Variants in SANBR observed in about 807,000 individuals in gnomAD.
SANBR encodes the protein SANT and BTB domain regulator of CSR.
Under a neutral mutation model 101.8 loss-of-function variants are expected in SANBR, and 77 were observed. The ratio of observed to expected loss-of-function variants is 0.76; its 90% CI spans 0.63 to 0.91. The LOEUF is 0.91. Among genes scored for constraint, SANBR ranks in the 40% least tolerant of loss-of-function variants. The probability of loss-of-function intolerance (pLI) is 0.00; values close to 1 mark genes in which losing one functional copy is unlikely to be tolerated. For synonymous variants in SANBR, 279 were observed against 274.7 expected, an observed-to-expected ratio of 1.02 and a Z score of -0.15; for missense variants, 875 against 853.0, an observed-to-expected ratio of 1.03 and a Z score of -0.32.
rs77970513 is a variant in SANBR, at chr2:61,074,109, T to G, written c.431+558T>G. On this transcript the variant is annotated intron_variant, in intron 5 of 21. Transcript: ENST00000402291. ...AAATCAAGACACAGAATATTTTTAT[T>G]ATTTCTGAAAGTTCCTTTGTATACT... Among the ~76,000 whole-genome samples, 452 of 152,310 alleles carry G rather than the reference T, an allele frequency of 3.0e-3. 2 individuals carry two copies. Among genetic ancestry groups the G allele is most frequent in the African/African-American group, 9.3e-3 (386 of 41,572 alleles).
At position 61,070,501 on chromosome 2, in the gene SANBR, G is replaced by T; in HGVS notation, c.150+1G>T. 1 of 1,603,346 alleles carries T rather than the reference G, an allele frequency of 6.2e-7. No individual in the cohort carries two copies. The highest frequency in any genetic ancestry group is 8.5e-7 in the Non-Finnish European group (1 of 1,176,188). ...CGTGCCTGGATTAACACCAAAAGAG[G>T]TAAATAACAGTCCCCCCAGAATATC... On this transcript the variant is annotated splice_donor_variant, in intron 3 of 21. Coordinates refer to ENST00000402291, the MANE Select transcript of SANBR (RefSeq NM_001129993.3). LOFTEE classifies it high-confidence loss of function.
At chr2:61,095,952 C>G (rs1247450279) in intron 11 of SANBR, among the ~76,000 whole-genome samples, 3 of 152,128 alleles carry the variant, frequency 2.0e-5, no homozygotes, top group Non-Finnish European at 4.4e-5. Context: ...GTGGGACCAC[C>G]CTTAATCATC....
Position 61,103,950 on chromosome 2 carries a change from A to T in SANBR, c.1463A>T (p.His488Leu). 2 of 1,614,216 alleles carry T rather than the reference A, an allele frequency of 1.2e-6. No homozygotes were observed. Among genetic ancestry groups the T allele is most frequent in the Non-Finnish European group, 1.7e-6 (2 of 1,180,032 alleles). Residue 488 changes from histidine to leucine, a missense_variant, in exon 13 of 22, where the codon CAC (histidine) becomes CTC (leucine). His to Leu is a moderately conservative substitution (Grantham distance 99). Transcript: ENST00000402291. ...CPTARMLDDL[H>L]KYRDVIVVPF... ...ACTGCTAGAATGTTGGACGATTTGC[A>T]CAAGTACAGAGATGTCATTGTTGTG...
intron 11 of SANBR, among the ~76,000 whole-genome samples, chr2:61,095,839 C>G (rs562149575): frequency 2.6e-5 from 4 of 152,132 alleles, no homozygotes; most frequent in African/African-American, 7.2e-5. Flanking sequence ...CAGCGATGTC[C>G]CCTCCATCCA....
Position 61,092,477 on chromosome 2 carries a change from G to A in SANBR, c.1102G>A (p.Asp368Asn). 2.5e-6 allele frequency: 4 copies of A among 1,584,116 alleles called. No individual in the cohort carries two copies. Among genetic ancestry groups the A allele is most frequent in the Non-Finnish European group, 3.4e-6 (4 of 1,167,070 alleles). The change falls in exon 11 of 22, where the codon GAT (aspartate) becomes AAT (asparagine). Residue 368 changes from aspartate (D) to asparagine (N), a missense_variant. Physicochemically the swap from Asp to Asn is conservative, Grantham distance 23. Transcript: ENST00000402291. ...CTCTTTCTCCAGAGATAAGACATGG[G>A]ATGTTCATGAGTATTTGAATAGTCT... ...VYIHIRDKTW[D>N]VHEYLNSLFE...
At chr2:61,069,533 G>A (rs944158963) in intron 2 of SANBR, 2 of 152,318 alleles carry the variant, frequency 1.3e-5, no homozygotes, top group African/African-American at 4.8e-5. Context: ...GTCCATAGGA[G>A]CAGTTTATGT....
Position 61,118,045 on chromosome 2 carries a change from G to T in SANBR, c.1957G>T (p.Glu653Ter). 1.2e-6 allele frequency: 2 copies of T among 1,613,450 alleles called. No individual in the cohort carries two copies. Among genetic ancestry groups the T allele is most frequent in the Non-Finnish European group, 1.7e-6 (2 of 1,179,692 alleles). The change falls in exon 20 of 22, where the codon GAA becomes TAA. Residue 653 changes from glutamate (E) to a stop codon, truncating the protein, a stop_gained. Transcript: ENST00000402291. LOFTEE classifies it high-confidence loss of function. Reference sequence around the variant, plus strand: ...CCCTTCAGATCAACGGCGAATGACTGAAATTACAGGGCACCTAATAAAAAT... The same window carrying T: ...CCCTTCAGATCAACGGCGAATGACTTAAATTACAGGGCACCTAATAAAAAT... ...QREDDQRRMT[E>*]ITGHLIKMRL...
intron 16 of SANBR, among the ~76,000 whole-genome samples, chr2:61,112,800 C>T (rs1683897243): frequency 6.6e-6 from 1 of 152,092 alleles, no homozygotes; most frequent in South Asian, 2.1e-4. Flanking sequence ...GCCTAATTTT[C>T]TTAATGATGT....
rs1189253538 is a variant in SANBR, at chr2:61,075,108, G to A, written c.431+1557G>A. 3 of 151,284 alleles carry A rather than the reference G, an allele frequency of 2.0e-5. No homozygotes were observed. The East Asian group carries it at 5.7e-4, about 29-fold the overall frequency. The allele number at this position is 151,284 out of a possible 1,614,324, so 9.4% of individuals were successfully genotyped here. Reference sequence around the variant, plus strand: ...CCACCGTGCCTGGACCTCCAATAATGTACTTTTTTTTGTATCAGGAATGTG... The same window carrying A: ...CCACCGTGCCTGGACCTCCAATAATATACTTTTTTTTGTATCAGGAATGTG... On this transcript the variant is annotated intron_variant, in intron 5 of 21. Transcript: ENST00000402291.
rs144653811 is a variant in SANBR at position 61,068,960 on chromosome 2, A to T, written c.-35A>T. 15 of 152,060 alleles carry T rather than the reference A, an allele frequency of 9.9e-5. No homozygotes were observed. The highest frequency in any genetic ancestry group is 3.6e-4 in the African/African-American group (15 of 41,394). 9.4% of individuals were successfully genotyped at this position (152,060 alleles called of 1,614,324 possible). ...GACTCCAGAGTCTGCACACTTAACC[A>T]CTCCACTATTCTGGCCTTCTACAAG... On this transcript the variant is annotated 5_prime_UTR_variant, in exon 2 of 22. Coordinates refer to ENST00000402291, the MANE Select transcript of SANBR (RefSeq NM_001129993.3).
chr2:61,074,165 C>CT (rs1681634021), intron 5 of SANBR, among the ~76,000 whole-genome samples: 1 of 152,082 alleles, frequency 6.6e-6, no homozygotes, highest in Non-Finnish European at 1.5e-5. Context: ...GAAAATCTTA[C>CT]TTTTTATAGA....
chr2:61,125,430 A>C (rs1393786444), downstream of SANBR, among the ~76,000 whole-genome samples: 1 of 152,252 alleles, frequency 6.6e-6, no homozygotes, highest in Non-Finnish European at 1.5e-5. Flanking sequence ...CAAGCAAATC[A>C]TATCAAATGT....
chr2:61,106,607 A>G lies in SANBR; in HGVS notation c.1556A>G (p.Asp519Gly), dbSNP rs1559125634. 1 of 1,601,390 alleles carries G rather than the reference A, an allele frequency of 6.2e-7. No individual in the cohort carries two copies. Among genetic ancestry groups the G allele is most frequent in the Non-Finnish European group, 8.5e-7 (1 of 1,176,114 alleles). Residue 519 changes from aspartate to glycine, a missense_variant, in exon 14 of 22, where the codon GAT becomes GGT. Asp to Gly is a moderately conservative substitution (Grantham distance 94). Coordinates refer to ENST00000402291, the MANE Select transcript of SANBR (RefSeq NM_001129993.3). The stretch of plus-strand genomic sequence containing the variant: ...TGTGATGAAAAGGGTATAGAATGTG[A>G]TGTTTTACTGGAGCCAAATACACCA... ...GLCDEKGIEC[D>G]VLLEPNTPWG...
chr2:61,112,506 T>C (rs1402774887), intron 16 of SANBR, among the ~76,000 whole-genome samples: 2 of 150,566 alleles, frequency 1.3e-5, no homozygotes, highest in Non-Finnish European at 2.9e-5. Flanking sequence ...TTTTTTTTTC[T>C]TTTTTTTTGA....
chr2:61,068,861 A>G lies in SANBR; in HGVS notation c.-134A>G, dbSNP rs974534229. 2.0e-5 allele frequency: 3 copies of G among 152,314 alleles called. No individual in the cohort carries two copies. Among genetic ancestry groups the G allele is most frequent in the Admixed American group, 1.3e-4 (2 of 15,262 alleles). The allele number at this position is 152,314 out of a possible 1,614,324, so 9.4% of individuals were successfully genotyped here. A position where few individuals can be genotyped will look rare whatever the true frequency, so the allele number is the denominator to read the frequency against. ...CTTTGTTTTACAGATGAGGAAATTGAGGCACAGAGATTAACTAATCTGAAC... is the reference window on the plus strand; with the variant it reads ...CTTTGTTTTACAGATGAGGAAATTGGGGCACAGAGATTAACTAATCTGAAC... On this transcript the variant is annotated 5_prime_UTR_variant, in exon 2 of 22. Coordinates refer to ENST00000402291, the MANE Select transcript of SANBR (RefSeq NM_001129993.3).
downstream of SANBR, among the ~76,000 whole-genome samples, chr2:61,127,607 G>C (rs1489654295): frequency 6.6e-6 from 1 of 152,180 alleles, no homozygotes; most frequent in Non-Finnish European, 1.5e-5. Context: ...TCACCAAAGT[G>C]ATTAGGTAAC....
At chr2:61,131,178 A>G (rs904805742) in intron 20 of SANBR, among the ~76,000 whole-genome samples, 1 of 152,088 alleles carries the variant, frequency 6.6e-6, no homozygotes, top group African/African-American at 2.4e-5. Context: ...TCTATTCAAC[A>G]TTGTACTGGA....
intron 12 of SANBR, among the ~76,000 whole-genome samples, chr2:61,101,802 T>G (rs1485108852): frequency 6.7e-6 from 1 of 149,870 alleles, no homozygotes; most frequent in Non-Finnish European, 1.5e-5. Flanking sequence ...TTTGGGAGAC[T>G]GAGATGGGCG....
downstream of SANBR, among the ~76,000 whole-genome samples, chr2:61,129,042 C>G (rs1222161468): frequency 2.6e-5 from 4 of 152,130 alleles, no homozygotes; most frequent in Non-Finnish European, 4.4e-5. Flanking sequence ...CTACATTCAG[C>G]AAAAATTGTC....
Sources: gnomAD v4.1 joint callset for allele counts (sites outside exome capture counted in the v4.1 genomes callset) on GRCh38, gnomAD v4.1.1 for gene constraint, MANE v1.5 for transcripts, NCBI Gene and HGNC (gene_info 2026-07-23, HGNC 2026-07-21) for gene names.